GPR84: variants seen among roughly 807,000 people sequenced by gnomAD.
GPR84 encodes the protein G-protein coupled receptor 84.
Under a neutral mutation model 14.9 loss-of-function variants are expected in GPR84, and 8 were observed. The ratio of observed to expected loss-of-function variants is 0.54; its 90% CI spans 0.31 to 0.97. GPR84 has a LOEUF of 0.97. Ranked by LOEUF, GPR84 falls within the 50% of genes least tolerant of loss-of-function variation. The pLI, the probability that GPR84 is intolerant of heterozygous loss-of-function variation, is 0.04. For synonymous variants in GPR84, 164 were observed against 198.1 expected, an observed-to-expected ratio of 0.83 and a Z score of 1.45; for missense variants, 424 against 498.7, an observed-to-expected ratio of 0.85 and a Z score of 1.43.
chr12:54,358,441 C>T (rs949099714), downstream of GPR84, among the ~76,000 whole-genome samples: 1 of 152,150 alleles, frequency 6.6e-6, no homozygotes, highest in African/African-American at 2.4e-5. Flanking sequence ...ACCTACCTTC[C>T]TCCTGGTCTT....
At chr12:54,358,822 T>C (rs1454537849), downstream of GPR84, among the ~76,000 whole-genome samples, 1 of 151,980 alleles carries the variant, frequency 6.6e-6, no homozygotes, top group Non-Finnish European at 1.5e-5. Flanking sequence ...TCCTCAACCT[T>C]CCTTTCTTTC....
chr12:54,363,546 G>C lies in GPR84; in HGVS notation c.306C>G (p.Ala102=), dbSNP rs201341097. The part of the protein sequence containing the change: ...FCRVFGLLLF[A]SNSVSILTLC... ...GGGTCAGGATGGAGACAGAATTGGA[G>C]GCAAAAAGGAGGAGCCCAAATACCC... The change falls in exon 2 of 2, where the codon GCC becomes GCG. Residue 102 remains alanine (A), a synonymous_variant. Transcript: ENST00000267015. 28 of 1,614,052 alleles carry C rather than the reference G, an allele frequency of 1.7e-5. 1 individual carries two copies. In the East Asian group the frequency reaches 6.2e-4, roughly 36 times the overall value.
rs752705972 is a variant in GPR84 at position 54,362,629 on chromosome 12, A to C, written c.*32T>G. ...TGGCCACTTTGGTCCTGGAGGAGAC[A>C]GTCCTGAATTCTGGTGACTAGGGTC... is the stretch of plus-strand genomic sequence containing the variant. On this transcript the variant is annotated 3_prime_UTR_variant, in exon 2 of 2. Coordinates refer to ENST00000267015, the MANE Select transcript of GPR84 (RefSeq NM_020370.3). This position sits in a 1 kb window ranked among gnomAD's most constrained non-coding sequence, Gnocchi z 4.0. 4.9e-6 allele frequency: 7 copies of C among 1,420,058 alleles called. No homozygotes were observed. The highest frequency in any genetic ancestry group is 6.8e-6 in the Non-Finnish European group (7 of 1,029,078). The allele number at this position is 1,420,058 out of a possible 1,614,324, so 88.0% of individuals were successfully genotyped here.
chr12:54,362,291 G>A (rs1954276947), downstream of GPR84, among the ~76,000 whole-genome samples: 1 of 152,120 alleles, frequency 6.6e-6, no homozygotes, highest in Non-Finnish European at 1.5e-5. The surrounding 1 kb of genome is among the most constrained non-coding windows in gnomAD (Gnocchi z 4.0). Flanking sequence ...CCAGCTCCTG[G>A]TGGCCACAGG....
the GPR84 span, among the ~76,000 whole-genome samples, chr12:54,352,344 C>A: frequency 2.0e-5 from 3 of 152,316 alleles, no homozygotes; most frequent in East Asian, 1.9e-4. Flanking sequence ...CTCCCCTCCC[C>A]CTCCTCCACC....
chr12:54,355,998 G>C, the GPR84 span, among the ~76,000 whole-genome samples: 3 of 152,340 alleles, frequency 2.0e-5, no homozygotes, highest in South Asian at 6.2e-4. Context: ...GAGAAAGGAA[G>C]AGATGAGATT....
chr12:54,351,562 T>G, the GPR84 span: 1 of 152,230 alleles, frequency 6.6e-6, no homozygotes, highest in African/African-American at 2.4e-5. Context: ...CATAAAACCT[T>G]TGGGGTTTGG....
the GPR84 span, chr12:54,351,121 AG>A: frequency 0.14 from 22,443 of 157,248 alleles, 1,777 homozygotes; most frequent in East Asian, 0.22. Context: ...ACAACATGGA[AG>A]AAACAGCGAT....
chr12:54,356,434 C>G, the GPR84 span, among the ~76,000 whole-genome samples: 1 of 152,126 alleles, frequency 6.6e-6, no homozygotes, highest in African/African-American at 2.4e-5. Context: ...GGAGAGGGAA[C>G]AGTATGATCC....
At chr12:54,359,495 C>T (rs1325144866), downstream of GPR84, among the ~76,000 whole-genome samples, 1 of 151,790 alleles carries the variant, frequency 6.6e-6, no homozygotes, top group Non-Finnish European at 1.5e-5. Flanking sequence ...AACAGAGGTA[C>T]AGGAGATGAA....
the GPR84 span, among the ~76,000 whole-genome samples, chr12:54,357,233 C>T: frequency 6.6e-6 from 1 of 152,226 alleles, no homozygotes; most frequent in Non-Finnish European, 1.5e-5. Context: ...AGACCCTTCC[C>T]TCCCTCCTGC....
At chr12:54,352,880 A>C in the GPR84 span, among the ~76,000 whole-genome samples, 1 of 152,236 alleles carries the variant, frequency 6.6e-6, no homozygotes, top group African/African-American at 2.4e-5. Context: ...GAGTTTGGAT[A>C]AAGACTAGGT....
At chr12:54,354,596 CTTTTTTTTTT>C in the GPR84 span, among the ~76,000 whole-genome samples, 4 of 128,640 alleles carry the variant, frequency 3.1e-5, no homozygotes, top group Non-Finnish European at 6.6e-5. Flanking sequence ...CTATGCCTAG[CTTTTTTTTTT>C]TTTTTTTTTG....
At position 54,363,101 on chromosome 12, in the gene GPR84, T is replaced by G; in HGVS notation, c.751A>C (p.Ser251Arg). ...LDSRLASGGP[S>R]EGISSEPVSA... Reference sequence around the variant, plus strand: ...ACTGGCTCAGATGAAATCCCCTCACTGGGTCCTCCTGATGCTAACCTGCTG... The same window carrying G: ...ACTGGCTCAGATGAAATCCCCTCACGGGGTCCTCCTGATGCTAACCTGCTG... The change falls in exon 2 of 2, where the codon AGT becomes CGT. Residue 251 changes from serine (S) to arginine (R), a missense_variant. Ser to Arg is a moderately radical substitution (Grantham distance 110, BLOSUM62 -1). Transcript: ENST00000267015. 1 of 1,614,200 alleles carries G rather than the reference T, an allele frequency of 6.2e-7. No homozygotes were observed. The highest frequency in any genetic ancestry group is 2.2e-5 in the East Asian group (1 of 44,890).
the GPR84 span, chr12:54,353,816 G>C: frequency 1.6e-4 from 24 of 152,392 alleles, no homozygotes; most frequent in African/African-American, 5.8e-4. Flanking sequence ...AGAGGTGACA[G>C]AGTGGAGGAG....
At chr12:54,358,160 C>T (rs907382928), downstream of GPR84, among the ~76,000 whole-genome samples, 1 of 152,114 alleles carries the variant, frequency 6.6e-6, no homozygotes, top group African/African-American at 2.4e-5. Flanking sequence ...CATAAATATT[C>T]CTAATTCCTG....
At chr12:54,356,427 G>C in the GPR84 span, among the ~76,000 whole-genome samples, 4 of 152,178 alleles carry the variant, frequency 2.6e-5, no homozygotes, top group Admixed American at 6.5e-5. Context: ...TGCTTGAGGA[G>C]AGGGAACAGT....
the GPR84 span, chr12:54,353,637 A>G: frequency 6.6e-6 from 1 of 150,738 alleles, no homozygotes; most frequent in African/African-American, 2.4e-5. Context: ...GCCTCCTCCC[A>G]CTCCTACTCC....
chr12:54,363,615 G>A lies in GPR84; in HGVS notation c.237C>T (p.Asp79=), dbSNP rs766627405. 38 of 1,614,006 alleles carry A rather than the reference G, an allele frequency of 2.4e-5. No individual in the cohort carries two copies. In the South Asian group the frequency reaches 3.8e-4, roughly 16 times the overall value. The change falls in exon 2 of 2, where the codon GAC becomes GAT. Residue 79 remains aspartate (D), a synonymous_variant. Transcript: ENST00000267015. ...YCTLLQPFSV[D]TYLHLHWRTG... ...TGCGCCAGTGCAGGTGGAGGTAGGT[G>A]TCCACAGAGAAGGGCTGAAGGAGCG...
Sources: gnomAD v4.1 joint callset for allele counts (sites outside exome capture counted in the v4.1 genomes callset) on GRCh38, gnomAD v4.1.1 for gene constraint, Gnocchi (gnomAD v3.1) non-coding constraint, MANE v1.5 for transcripts, NCBI Gene and HGNC (gene_info 2026-07-23, HGNC 2026-07-21) for gene names.